CEP85: variants seen among roughly 807,000 people sequenced by gnomAD.
CEP85 encodes the protein centrosomal protein of 85 kDa.
Under a neutral mutation model 93.7 loss-of-function variants are expected in CEP85, and 58 were observed. That is an observed-to-expected ratio of 0.62 (90% CI 0.50 to 0.77). CEP85 has a LOEUF of 0.77. Among genes scored for constraint, CEP85 ranks in the 30% least tolerant of loss-of-function variants. CEP85 has a pLI of 0.00. For synonymous variants in CEP85, 314 were observed against 338.6 expected (o/e 0.93, Z 0.80); for missense variants, 868 against 922.0 (o/e 0.94, Z 0.76).
intron 9 of CEP85, 61 bp from the exon 10 acceptor site, chr1:26,270,953 C>A: frequency 9.7e-7 from 1 of 1,029,660 alleles, no homozygotes; most frequent in South Asian, 1.3e-5. Context: ...AGTAGCAGAA[C>A]CAAGAATCAA....
intron 8 of CEP85, among the ~76,000 whole-genome samples, chr1:26,268,967 C>T (rs2089932635): frequency 6.6e-6 from 1 of 152,110 alleles, no homozygotes; most frequent in African/African-American, 2.4e-5. Context: ...CAACCTTTTC[C>T]ACCAGTTTTA....
intron 9 of CEP85, among the ~76,000 whole-genome samples, chr1:26,269,869 C>T (rs547164796): frequency 4.4e-5 from 6 of 137,228 alleles, no homozygotes; most frequent in Non-Finnish European, 9.2e-5. Flanking sequence ...TCACTGCAAG[C>T]TCCGCCTCCC....
At chr1:26,257,075 C>T (rs996874461) in intron 4 of CEP85, among the ~76,000 whole-genome samples, 1 of 151,860 alleles carries the variant, frequency 6.6e-6, no homozygotes, top group African/African-American at 2.4e-5. Flanking sequence ...GGACCACAGG[C>T]GCATGCCACC....
At chr1:26,272,266 A>C (rs570434819) in intron 11 of CEP85, 195 bp downstream of exon 11, 2 of 604,054 alleles carry the variant, frequency 3.3e-6, no homozygotes, top group Non-Finnish European at 5.9e-6. Context: ...CAGTACTGTG[A>C]GAGCAGTCCC....
In CEP85 at chr1:26,240,908, A is replaced by G. The variant is rs575810485; in HGVS notation, c.55+1070A>G. Among the ~76,000 whole-genome samples the G allele has an allele frequency of 3.1e-4, 47 of 151,986 alleles. No individual in the cohort carries two copies. The Middle Eastern group carries it at 0.01, about 33-fold the overall frequency. On this transcript the variant is annotated intron_variant, in intron 2 of 13. Coordinates refer to ENST00000451429, the MANE Select transcript of CEP85 (RefSeq NM_001319944.2). ...GTGAGACTGTGTCTCAAAAAAAAAA[A>G]GGGGAAAAAAAAGAAACCATGGATA...
chr1:26,262,460 AGAGT>A (rs1024674453), intron 7 of CEP85, among the ~76,000 whole-genome samples: 90 of 151,674 alleles, frequency 5.9e-4, no homozygotes, highest in African/African-American at 1.9e-3. Context: ...TCTGGGCAAC[AGAGT>A]GAGTGAGAGT....
intron 3 of CEP85, among the ~76,000 whole-genome samples, chr1:26,252,297 C>T (rs1227762559): frequency 2.6e-5 from 4 of 151,980 alleles, no homozygotes; most frequent in Admixed American, 6.6e-5. Context: ...CTTTGGGAGG[C>T]CGAGGCGGGC....
chr1:26,269,361 A>G, intron 8 of CEP85, 99 bp from the exon 9 acceptor site: 7 of 1,208,722 alleles, frequency 5.8e-6, no homozygotes, highest in South Asian at 5.4e-5. Context: ...GAAATTAAAT[A>G]TAGGTTTGAG....
rs74658048 is a variant in CEP85, at chr1:26,275,397, C to T, written c.1902+326C>T. Among the ~76,000 whole-genome samples the T allele has an allele frequency of 2.6e-5, 4 of 151,780 alleles. No individual in the cohort carries two copies. The East Asian group carries it at 7.7e-4, about 29-fold the overall frequency. On this transcript the variant is annotated intron_variant, in intron 12 of 13. Coordinates refer to ENST00000451429, the MANE Select transcript of CEP85 (RefSeq NM_001319944.2). ...CCAGGTTCAAGCGATTCCCCTGCCT[C>T]AGCCTCCTGTGTAGCTGGGACTACA...
rs570928094 is a variant in CEP85 at position 26,271,405 on chromosome 1, C to T, written c.1743+298C>T. On this transcript the variant is annotated intron_variant, in intron 10 of 13. Transcript: ENST00000451429. ...GCAGTAAAGTTTGGTGCACTTTATT[C>T]ATGGCTCAGGCCCATACAGAAACCC... 2.0e-4 allele frequency: 59 copies of T among 295,832 alleles called. 1 individual carries two copies. In the South Asian group the frequency reaches 2.3e-3, roughly 12 times the overall value. The allele number at this position is 295,832 out of a possible 1,614,324, so 18.3% of individuals were successfully genotyped here. A position where few individuals can be genotyped will look rare whatever the true frequency, so the allele number is the denominator to read the frequency against.
chr1:26,240,969 T>C (rs1012946966), intron 2 of CEP85, among the ~76,000 whole-genome samples: 15 of 151,972 alleles, frequency 9.9e-5, no homozygotes, highest in African/African-American at 3.4e-4. Context: ...CATAAATATA[T>C]GTATGCACTG....
chr1:26,257,476 T>C (rs532991085), intron 4 of CEP85, 121 bp from the exon 5 acceptor site: 38 of 1,130,248 alleles, frequency 3.4e-5, no homozygotes, highest in Non-Finnish European at 4.4e-5. Flanking sequence ...TTCATAAACA[T>C]TGGGCCTCAT....
intron 3 of CEP85, among the ~76,000 whole-genome samples, chr1:26,253,390 C>CTTTTTTTTT (rs778365418): frequency 7.4e-6 from 1 of 134,626 alleles, no homozygotes; most frequent in Non-Finnish European, 1.6e-5. Context: ...TATCTTTCAT[C>CTTTTTTTTT]TTTTTTTTTT....
intron 7 of CEP85, among the ~76,000 whole-genome samples, chr1:26,262,351 T>C (rs1411322274): frequency 6.6e-6 from 1 of 151,740 alleles, no homozygotes; most frequent in Non-Finnish European, 1.5e-5. Flanking sequence ...GGTGGTGGGC[T>C]CCTGTAACCT....
intron 7 of CEP85, among the ~76,000 whole-genome samples, chr1:26,260,494 G>A (rs887850488): frequency 1.4e-5 from 2 of 140,954 alleles, no homozygotes; most frequent in Non-Finnish European, 3.1e-5. Flanking sequence ...GCAAGACTCC[G>A]TCTCAGGAAA....
intron 3 of CEP85, among the ~76,000 whole-genome samples, chr1:26,245,527 ATT>A (rs2089496902): frequency 6.6e-6 from 1 of 151,998 alleles, no homozygotes; most frequent in African/African-American, 2.4e-5. Flanking sequence ...TTGTATCTTT[ATT>A]ATCTCTGCCA....
intron 1 of CEP85, among the ~76,000 whole-genome samples, chr1:26,237,247 C>T (rs2089340490): frequency 6.6e-6 from 1 of 151,930 alleles, no homozygotes; most frequent in South Asian, 2.1e-4. Flanking sequence ...TATGTGTGTG[C>T]AATTCAGAGG....
chr1:26,276,763 G>A lies in CEP85; in HGVS notation c.2128+3G>A, dbSNP rs2090059143. 1 of 1,610,842 alleles carries A rather than the reference G, an allele frequency of 6.2e-7. No individual in the cohort carries two copies. The highest frequency in any genetic ancestry group is 8.5e-7 in the Non-Finnish European group (1 of 1,177,650). ...CTCCCTGCTCCTGGGCATTCACTGT[G>A]AGTCCTCAGACCAGTCTGGGGCCCA... On this transcript the variant is annotated splice_donor_region_variant and intron_variant, in intron 13 of 13. Transcript: ENST00000451429.
chr1:26,255,531 A>G lies in CEP85; in HGVS notation c.569A>G (p.Gln190Arg). The change falls in exon 4 of 14, where the codon CAG (glutamine) becomes CGG (arginine). Residue 190 changes from glutamine (Q) to arginine (R), a missense_variant. Transcript: ENST00000451429. ...DIPSMESTLNQSAMMETLYSD... is the reference protein window; with the variant it reads ...DIPSMESTLNRSAMMETLYSD... ...CCTAGCATGGAATCTACCCTCAATC[A>G]GTCGGCAATGATGGAGACACTTTAT... 1.2e-6 allele frequency: 2 copies of G among 1,614,194 alleles called. No individual in the cohort carries two copies. The highest frequency in any genetic ancestry group is 1.7e-6 in the Non-Finnish European group (2 of 1,180,032).
Sources: allele counts gnomAD v4.1 joint callset (sites outside exome capture counted in the v4.1 genomes callset), GRCh38; gene constraint gnomAD v4.1.1; transcripts MANE v1.5; gene names NCBI Gene and HGNC (gene_info 2026-07-23, HGNC 2026-07-21).